The following CACNB4 variants were observed in gnomAD, a reference collection of about 807,000 sequenced individuals.
The protein encoded by CACNB4 is voltage-dependent L-type calcium channel subunit beta-4.
A neutral mutation model predicts 71.2 loss-of-function variants in CACNB4; 32 were observed. The observed-to-expected ratio is 0.45, with a 90% CI of 0.34 to 0.60. The LOEUF (loss-of-function observed/expected upper bound fraction) is 0.60. Among genes scored for constraint, CACNB4 ranks in the 20% least tolerant of loss-of-function variants. CACNB4 has a pLI of 0.01. For missense variants in CACNB4, 464 were observed against 647.9 expected (o/e 0.72, Z 3.08); for synonymous variants, 231 against 236.9 (o/e 0.97, Z 0.23).
chr2:151,962,521 T>C lies in CACNB4; in HGVS notation c.148-79151A>G, dbSNP rs191578973. On this transcript the variant is annotated intron_variant, in intron 2 of 13. Coordinates refer to ENST00000539935, the MANE Select transcript of CACNB4 (RefSeq NM_000726.5). ...AATGTTTCTTTGAATTGGAAGCTCA[T>C]GGAGATGAATCATAAATGAGAAAGG... 3.3e-3 allele frequency among the ~76,000 whole-genome samples: 504 copies of C among 152,266 alleles called. 9 individuals are homozygous for C. The highest frequency in any genetic ancestry group is 0.012 in the African/African-American group (479 of 41,534).
intron 5 of CACNB4, chr2:151,874,990 A>G (rs914266238): frequency 7.5e-6 from 3 of 399,728 alleles, no homozygotes; most frequent in African/African-American, 2.1e-5. Context: ...AGAAGGTACT[A>G]TCAGTGCCGG....
chr2:152,098,800 ACGTGG>A lies in CACNB4; in HGVS notation c.63+144_63+148del. On this transcript the variant is annotated intron_variant, in intron 1 of 13. Transcript: ENST00000539935. This position sits in a 1 kb window ranked among gnomAD's most constrained non-coding sequence, Gnocchi z 5.3. Reference sequence around the variant, plus strand: ...AGAGGAGGAGCGGGAGGAGAAAGGGACGTGGAGGAGGGGTGGGGGGAGCGGGGCCG... The same window carrying A: ...AGAGGAGGAGCGGGAGGAGAAAGGGAAGGAGGGGTGGGGGGAGCGGGGCCG... 1 of 797,684 alleles carries A rather than the reference ACGTGG, an allele frequency of 1.3e-6. No homozygotes were observed. Among genetic ancestry groups the A allele is most frequent in the South Asian group, 1.7e-5 (1 of 58,388 alleles). The allele number at this position is 797,684 out of a possible 1,614,324, so 49.4% of individuals were successfully genotyped here. A position where few individuals can be genotyped will look rare whatever the true frequency, so the allele number is the denominator to read the frequency against.
At chr2:151,896,696 T>C (rs185825970) in intron 2 of CACNB4, among the ~76,000 whole-genome samples, 2 of 152,324 alleles carry the variant, frequency 1.3e-5, no homozygotes, top group East Asian at 3.9e-4. Context: ...TTGATTCCTA[T>C]CTGCTAATTC....
chr2:151,949,192 T>C (rs1244509428), intron 2 of CACNB4, among the ~76,000 whole-genome samples: 1 of 139,660 alleles, frequency 7.2e-6, no homozygotes, highest in Non-Finnish European at 1.6e-5. Flanking sequence ...TCAAAATAAA[T>C]AGGTAACAAA....
Position 151,919,850 on chromosome 2 carries a change from A to AAACAAAC in CACNB4, c.148-36481_148-36480insGTTTGTT, listed in dbSNP as rs1553774743. On this transcript the variant is annotated intron_variant, in intron 2 of 13. Transcript: ENST00000539935. Reference sequence around the variant, plus strand: ...GTGCAAGTTTGGAAAACAAACAAACAAACAACAACAACAACAACAAAACCT... The same window carrying AAACAAAC: ...GTGCAAGTTTGGAAAACAAACAAACAAACAAACAACAACAACAACAACAACAAAACCT... 6.8e-4 allele frequency among the ~76,000 whole-genome samples: 103 copies of AAACAAAC among 152,188 alleles called. 1 individual carries two copies. The highest frequency in any genetic ancestry group is 2.3e-3 in the African/African-American group (96 of 41,498).
chr2:152,019,739 T>C (rs765594579), intron 2 of CACNB4, among the ~76,000 whole-genome samples: 1 of 152,262 alleles, frequency 6.6e-6, no homozygotes, highest in African/African-American at 2.4e-5. Context: ...TGTGTGTGCA[T>C]ACACATAATT....
chr2:151,885,302 A>G (rs2099849084), intron 2 of CACNB4, among the ~76,000 whole-genome samples: 1 of 152,224 alleles, frequency 6.6e-6, no homozygotes, highest in African/African-American at 2.4e-5. Context: ...AATGAGCAGT[A>G]ATATTTACTG....
At chr2:151,881,052 T>A in intron 3 of CACNB4, 130 bp from the exon 4 acceptor site, 2 of 887,976 alleles carry the variant, frequency 2.3e-6, no homozygotes, top group Non-Finnish European at 3.4e-6. Flanking sequence ...AGTTTTACAT[T>A]CTCAAGCAAT....
intron 2 of CACNB4, among the ~76,000 whole-genome samples, chr2:151,957,859 G>T (rs1011621199): frequency 6.6e-6 from 1 of 152,094 alleles, no homozygotes; most frequent in African/African-American, 2.4e-5. Context: ...AACTAAACCA[G>T]CATTTCCCTA....
chr2:151,973,935 G>C, intron 2 of CACNB4: 1 of 1,309,160 alleles, frequency 7.6e-7, no homozygotes, highest in Non-Finnish European at 9.7e-7. Context: ...TCCCAATACA[G>C]AGCACAAAAA....
chr2:151,841,843 A>G (rs2099836311), intron 13 of CACNB4, 60 bp downstream of exon 13: 13 of 1,451,000 alleles, frequency 9.0e-6, no homozygotes, highest in Admixed American at 1.7e-5. Flanking sequence ...ATCCTAATCA[A>G]GTTCCCATAG....
chr2:151,922,670 T>C (rs1251298070), intron 2 of CACNB4, among the ~76,000 whole-genome samples: 2 of 152,202 alleles, frequency 1.3e-5, no homozygotes, highest in Non-Finnish European at 2.9e-5. Context: ...ACATTTCCAG[T>C]ATCAGATCTT....
chr2:152,066,312 C>T (rs1686319696), intron 2 of CACNB4, among the ~76,000 whole-genome samples: 2 of 152,188 alleles, frequency 1.3e-5, no homozygotes, highest in South Asian at 4.1e-4. Flanking sequence ...AAACAAACAA[C>T]CCCATCAAAA....
At chr2:151,921,051 G>A (rs1370039962) in intron 2 of CACNB4, among the ~76,000 whole-genome samples, 4 of 151,910 alleles carry the variant, frequency 2.6e-5, no homozygotes, top group Non-Finnish European at 5.9e-5. Flanking sequence ...GCAGGAGAAT[G>A]GCGTGAACCC....
At chr2:151,975,322 A>G (rs2099873600) in intron 2 of CACNB4, among the ~76,000 whole-genome samples, 1 of 152,204 alleles carries the variant, frequency 6.6e-6, no homozygotes, top group South Asian at 2.1e-4. Context: ...CACAACAGCT[A>G]CAACAGCTGA....
At chr2:151,993,753 C>CG (rs1553806071) in intron 2 of CACNB4, among the ~76,000 whole-genome samples, 7 of 151,416 alleles carry the variant, frequency 4.6e-5, no homozygotes, top group Non-Finnish European at 1.0e-4. Context: ...TCAGTAGAGA[C>CG]GGGGTTTCAC....
At chr2:151,906,835 C>T (rs543491797) in intron 2 of CACNB4, among the ~76,000 whole-genome samples, 3 of 152,284 alleles carry the variant, frequency 2.0e-5, no homozygotes, top group Admixed American at 1.3e-4. Context: ...GCTACCCTGA[C>T]GTGTCTCTTT....
In CACNB4 at chr2:152,098,571, C is replaced by T; in HGVS notation, c.64-158G>A. The T allele has an allele frequency of 1.2e-6, 1 of 833,444 alleles. No individual in the cohort carries two copies. Among genetic ancestry groups the T allele is most frequent in the Non-Finnish European group, 2.0e-6 (1 of 491,718 alleles). 51.6% of individuals were successfully genotyped at this position (833,444 alleles called of 1,614,324 possible). The stretch of plus-strand genomic sequence containing the variant: ...CCGCGACTCCCAAATACAGCCCCCA[C>T]CCCCACCCACCCACTGCAAGCCTCG... On this transcript the variant is annotated intron_variant, in intron 1 of 13. Transcript: ENST00000539935. The surrounding 1 kb of genome is among the most constrained non-coding windows in gnomAD (Gnocchi z 5.3).
At chr2:151,846,125 C>T (rs962487557) in intron 12 of CACNB4, among the ~76,000 whole-genome samples, 2 of 152,172 alleles carry the variant, frequency 1.3e-5, no homozygotes, top group Non-Finnish European at 2.9e-5. Flanking sequence ...AAGTAATGCT[C>T]TTTACTAGGG....
Sources: gnomAD v4.1 joint callset for allele counts (sites outside exome capture counted in the v4.1 genomes callset) on GRCh38, gnomAD v4.1.1 for gene constraint, Gnocchi (gnomAD v3.1) non-coding constraint, MANE v1.5 for transcripts, NCBI Gene and HGNC (gene_info 2026-07-23, HGNC 2026-07-21) for gene names.